C12orf54: variants seen among roughly 807,000 people sequenced by gnomAD.
The protein encoded by C12orf54 is chromosome 12 open reading frame 54, also known as uncharacterized protein C12orf54.
C12orf54 carries 24 observed loss-of-function variants against 26.4 expected under a neutral mutation model. The ratio of observed to expected loss-of-function variants is 0.91; its 90% CI spans 0.66 to 1.28. C12orf54 has a LOEUF of 1.28. C12orf54 is among the 50% of genes most tolerant of loss of function. The probability of loss-of-function intolerance (pLI) is 0.00; values close to 1 mark genes in which losing one functional copy is unlikely to be tolerated. For missense variants in C12orf54, 154 were observed against 150.9 expected, an observed-to-expected ratio of 1.02 and a Z score of -0.11; for synonymous variants, 54 against 47.0, an observed-to-expected ratio of 1.15 and a Z score of -0.61.
chr12:48,441,969 C>T, the C12orf54 span: 1 of 152,196 alleles, frequency 6.6e-6, no homozygotes, highest in Non-Finnish European at 1.5e-5. Context: ...TGTCCATGCA[C>T]TGCTTGTTGC....
chr12:48,476,433 T>G, the C12orf54 span, among the ~76,000 whole-genome samples: 2 of 152,234 alleles, frequency 1.3e-5, no homozygotes, highest in African/African-American at 4.8e-5. Context: ...ATGCTCCAAT[T>G]AAAAGACACA....
the C12orf54 span, among the ~76,000 whole-genome samples, chr12:48,467,756 G>C: frequency 1.3e-5 from 2 of 151,992 alleles, no homozygotes; most frequent in East Asian, 3.9e-4. Flanking sequence ...GGGTGTATAC[G>C]CATGCCCAAA....
At chr12:48,461,624 T>C in the C12orf54 span, among the ~76,000 whole-genome samples, 1 of 151,760 alleles carries the variant, frequency 6.6e-6, no homozygotes, top group Non-Finnish European at 1.5e-5. Context: ...AACGTATATC[T>C]CAATAATTTA....
chr12:48,489,269 A>C (rs1256061306), intron 5 of C12orf54: 1 of 528,696 alleles, frequency 1.9e-6, no homozygotes, highest in Admixed American at 2.4e-5. Flanking sequence ...AGAATCCCCT[A>C]GTGATGTAGT....
chr12:48,435,163 G>A, the C12orf54 span, among the ~76,000 whole-genome samples: 16 of 152,294 alleles, frequency 1.1e-4, no homozygotes, highest in East Asian at 1.2e-3. Context: ...GGGTATCAGC[G>A]ATAGAAGATG....
In C12orf54 at chr12:48,486,318, G is replaced by C. The variant is rs925002713; in HGVS notation, c.96+110G>C. The stretch of plus-strand genomic sequence containing the variant: ...GCCAAAAAAAAAAGCTACCTGACAA[G>C]GGACAGGGTGCCCTTGACTGGCTGG... On this transcript the variant is annotated intron_variant, in intron 3 of 8. Coordinates refer to ENST00000548364, the MANE Select transcript of C12orf54 (RefSeq NM_152319.4). 2.4e-5 allele frequency: 28 copies of C among 1,147,212 alleles called. No individual in the cohort carries two copies. In the East Asian group the frequency reaches 5.0e-4, roughly 20 times the overall value. 71.1% of individuals were successfully genotyped at this position (1,147,212 alleles called of 1,614,324 possible).
chr12:48,456,163 CCAA>C, the C12orf54 span, among the ~76,000 whole-genome samples: 1 of 152,168 alleles, frequency 6.6e-6, no homozygotes, highest in Non-Finnish European at 1.5e-5. Context: ...AGCAGCTCAG[CCAA>C]CAACAATTGT....
the C12orf54 span, among the ~76,000 whole-genome samples, chr12:48,450,217 C>A: frequency 6.6e-6 from 1 of 152,128 alleles, no homozygotes; most frequent in African/African-American, 2.4e-5. Flanking sequence ...TATGAACAAC[C>A]TGCCCCTGAA....
At chr12:48,470,811 TTC>T in the C12orf54 span, among the ~76,000 whole-genome samples, 5 of 152,268 alleles carry the variant, frequency 3.3e-5, no homozygotes, top group Admixed American at 3.3e-4. Flanking sequence ...TGTTTATTTA[TTC>T]TTTTTTAATT....
the C12orf54 span, among the ~76,000 whole-genome samples, chr12:48,465,675 G>A: frequency 6.6e-6 from 1 of 151,882 alleles, no homozygotes; most frequent in Non-Finnish European, 1.5e-5. Context: ...AACACCCATC[G>A]ATGATAGACT....
At chr12:48,432,295 A>C in the C12orf54 span, among the ~76,000 whole-genome samples, 1 of 152,212 alleles carries the variant, frequency 6.6e-6, no homozygotes, top group Non-Finnish European at 1.5e-5. Context: ...AACAAAAGAG[A>C]AACAACCGTA....
chr12:48,485,706 A>G (rs1954252693), intron 2 of C12orf54, among the ~76,000 whole-genome samples: 1 of 152,204 alleles, frequency 6.6e-6, no homozygotes, highest in Non-Finnish European at 1.5e-5. Context: ...AAATCTTTCC[A>G]CTTCTTCAGC....
chr12:48,456,915 C>T, the C12orf54 span, among the ~76,000 whole-genome samples: 1 of 151,980 alleles, frequency 6.6e-6, no homozygotes, highest in African/African-American at 2.4e-5. Context: ...TCAAGGAAAG[C>T]ATATTATCAC....
the C12orf54 span, among the ~76,000 whole-genome samples, chr12:48,434,570 G>C: frequency 6.6e-6 from 1 of 152,204 alleles, no homozygotes; most frequent in Non-Finnish European, 1.5e-5. Flanking sequence ...AAAACTTCCA[G>C]AGGAATGATC....
At chr12:48,483,918 G>C (rs1322237723) in intron 2 of C12orf54, among the ~76,000 whole-genome samples, 2 of 152,324 alleles carry the variant, frequency 1.3e-5, no homozygotes, top group South Asian at 2.1e-4. Context: ...TTGGGGCTGG[G>C]TGCAGTGCCT....
intron 5 of C12orf54, among the ~76,000 whole-genome samples, chr12:48,489,914 G>T (rs748856762): frequency 6.6e-6 from 1 of 152,006 alleles, no homozygotes; most frequent in South Asian, 2.1e-4. Flanking sequence ...TAGAAATGGG[G>T]TTTCACCATG....
intron 1 of C12orf54, 22 bp from the exon 2 acceptor site, chr12:48,483,217 CA>C: frequency 7.9e-7 from 1 of 1,271,466 alleles, no homozygotes; most frequent in South Asian, 1.2e-5. Context: ...GCCTTCTCCG[CA>C]TATTCATTTA....
the C12orf54 span, among the ~76,000 whole-genome samples, chr12:48,418,941 C>G: frequency 1.3e-5 from 2 of 148,642 alleles, no homozygotes; most frequent in African/African-American, 5.0e-5. Flanking sequence ...AAAAAAAAAG[C>G]CTGAATCTTG....
the C12orf54 span, among the ~76,000 whole-genome samples, chr12:48,433,918 G>C: frequency 6.6e-6 from 1 of 152,192 alleles, no homozygotes. Flanking sequence ...AGTGGGTGCA[G>C]GACAGTGGGT....
Sources: allele counts gnomAD v4.1 joint callset (sites outside exome capture counted in the v4.1 genomes callset), GRCh38; gene constraint gnomAD v4.1.1; transcripts MANE v1.5; gene names NCBI Gene and HGNC (gene_info 2026-07-23, HGNC 2026-07-21).